TULP4: variants seen among roughly 807,000 people sequenced by gnomAD.
The protein encoded by TULP4 is tubby-related protein 4.
TULP4 carries 16 observed loss-of-function variants against 129.0 expected under a neutral mutation model. That is an observed-to-expected ratio of 0.12 (90% confidence interval 0.08 to 0.19). TULP4 has a LOEUF of 0.19. TULP4 is among the 10% of genes least tolerant of loss of function. TULP4 has a pLI of 1.00. For synonymous variants in TULP4, 998 were observed against 854.0 expected, an observed-to-expected ratio of 1.17 and a Z score of -2.94; for missense variants, 1,842 against 2,059.1, an observed-to-expected ratio of 0.89 and a Z score of 2.04.
chr6:158,481,626 T>C (rs1779947797), intron 8 of TULP4: 6 of 331,592 alleles, frequency 1.8e-5, no homozygotes, highest in Non-Finnish European at 3.4e-5. Flanking sequence ...TCATGTAATA[T>C]TGAGACAACT....
At chr6:158,480,333 G>A (rs905111759) in intron 7 of TULP4, among the ~76,000 whole-genome samples, 1 of 152,214 alleles carries the variant, frequency 6.6e-6, no homozygotes, top group African/African-American at 2.4e-5. Context: ...CCTGACAGAT[G>A]CCATTATTCG....
At chr6:158,418,552 G>A (rs1475967124) in intron 2 of TULP4, among the ~76,000 whole-genome samples, 1 of 152,114 alleles carries the variant, frequency 6.6e-6, no homozygotes, top group Non-Finnish European at 1.5e-5. Flanking sequence ...AGGATCTCTT[G>A]TGACCAGAGT....
chr6:158,385,699 G>A (rs989587312), intron 1 of TULP4, among the ~76,000 whole-genome samples: 2 of 144,704 alleles, frequency 1.4e-5, no homozygotes, highest in South Asian at 2.2e-4. Context: ...ATTTATTACA[G>A]TGTGTGGTAT....
chr6:158,476,016 G>A (rs1437681473), intron 6 of TULP4, among the ~76,000 whole-genome samples: 1 of 152,170 alleles, frequency 6.6e-6, no homozygotes, highest in Non-Finnish European at 1.5e-5. Flanking sequence ...AGTCATCACA[G>A]TCATTCATTT....
chr6:158,360,300 C>A (rs1019748148), intron 1 of TULP4, among the ~76,000 whole-genome samples: 6 of 152,072 alleles, frequency 3.9e-5, no homozygotes, highest in African/African-American at 1.2e-4. Context: ...TGGTATCTGT[C>A]CATCATGGAG....
intron 1 of TULP4, among the ~76,000 whole-genome samples, chr6:158,376,523 C>G (rs1200999004): frequency 6.6e-6 from 1 of 152,188 alleles, no homozygotes; most frequent in Non-Finnish European, 1.5e-5. Context: ...AACATCTCCT[C>G]CATTGTAGTC....
chr6:158,461,070 A>AT (rs1779411334), intron 5 of TULP4, among the ~76,000 whole-genome samples: 1 of 152,244 alleles, frequency 6.6e-6, no homozygotes, highest in Non-Finnish European at 1.5e-5. Context: ...CCTGTTTTTA[A>AT]TAGAATCCAT....
chr6:158,421,223 G>A (rs1019261271), intron 2 of TULP4, among the ~76,000 whole-genome samples: 4 of 152,120 alleles, frequency 2.6e-5, no homozygotes, highest in African/African-American at 4.8e-5. Context: ...TTAGCCAGGC[G>A]TGGTGGCACG....
chr6:158,379,168 T>TA (rs1204950667), intron 1 of TULP4, among the ~76,000 whole-genome samples: 2 of 152,160 alleles, frequency 1.3e-5, no homozygotes, highest in Non-Finnish European at 2.9e-5. Context: ...TGACAGGACT[T>TA]ACCAGTGAAT....
Position 158,391,183 on chromosome 6 carries a change from G to A in TULP4, c.253-21882G>A, listed in dbSNP as rs576698973. 5.1e-4 allele frequency among the ~76,000 whole-genome samples: 77 copies of A among 152,338 alleles called. 1 individual carries two copies. Among genetic ancestry groups the A allele is most frequent in the Admixed American group, 2.2e-3 (34 of 15,308 alleles). The stretch of plus-strand genomic sequence containing the variant: ...CATAAGGATTTCTTTCTTATACAGT[G>A]TAGTGTTTGGGGGGCAGGTAAGGGA... On this transcript the variant is annotated intron_variant, in intron 1 of 13. Transcript: ENST00000367097.
At chr6:158,386,959 C>T (rs1394452989) in intron 1 of TULP4, among the ~76,000 whole-genome samples, 2 of 151,496 alleles carry the variant, frequency 1.3e-5, no homozygotes, top group Non-Finnish European at 2.9e-5. Flanking sequence ...TCTGTCAAAG[C>T]GATTGACAGA....
At chr6:158,421,564 T>C (rs1235906992) in intron 2 of TULP4, among the ~76,000 whole-genome samples, 6 of 152,200 alleles carry the variant, frequency 3.9e-5, no homozygotes, top group Non-Finnish European at 7.3e-5. Flanking sequence ...TGCAGTCTTA[T>C]AGTGGCTGTC....
intron 1 of TULP4, among the ~76,000 whole-genome samples, chr6:158,250,150 T>C (rs866514833): frequency 2.6e-5 from 4 of 151,696 alleles, no homozygotes; most frequent in South Asian, 4.2e-4. Context: ...TGCATTTCTT[T>C]TCTTTTCTTT....
chr6:158,501,653 G>A, intron 12 of TULP4, 25 bp from the exon 13 acceptor site: 1 of 1,596,186 alleles, frequency 6.3e-7, no homozygotes, highest in Non-Finnish European at 8.6e-7. Flanking sequence ...TTTGTAAGCA[G>A]TTCCTTTTTC....
At chr6:158,329,864 G>A (rs551884528) in intron 1 of TULP4, among the ~76,000 whole-genome samples, 1 of 152,096 alleles carries the variant, frequency 6.6e-6, no homozygotes, top group East Asian at 1.9e-4. Context: ...GGGGAGTCAG[G>A]CTCTGTAATG....
chr6:158,502,374 G>A lies in TULP4; in HGVS notation c.2711G>A (p.Arg904His). Residue 904 changes from arginine (R) to histidine (H), a missense_variant, in exon 13 of 14, where the codon CGC becomes CAC. Around this residue, in one of 5 missense-constraint regions of TULP4, gnomAD observed 1,089 missense variants for 987.1 expected, o/e 1.10. Coordinates refer to ENST00000367097, the MANE Select transcript of TULP4 (RefSeq NM_020245.5). ...AACGTGGAGGAGGTGTGCCGGCCCC[G>A]CACCCGGATGCTGTGCTCCCAGAAC... ...SGNVEEVCRPRTRMLCSQNTY... is the reference protein window; with the variant it reads ...SGNVEEVCRPHTRMLCSQNTY... 1 of 1,613,638 alleles carries A rather than the reference G, an allele frequency of 6.2e-7. No individual in the cohort carries two copies. Among genetic ancestry groups the A allele is most frequent in the Non-Finnish European group, 8.5e-7 (1 of 1,179,902 alleles).
chr6:158,375,315 AG>A (rs1219793439), intron 1 of TULP4, among the ~76,000 whole-genome samples: 1 of 152,206 alleles, frequency 6.6e-6, no homozygotes, highest in African/African-American at 2.4e-5. Flanking sequence ...TTGGCAATTC[AG>A]CGTGTTCCTT....
chr6:158,242,007 A>G (rs1777928283), intron 1 of TULP4: 12 of 836,594 alleles, frequency 1.4e-5, no homozygotes, highest in South Asian at 2.6e-5. Flanking sequence ...GGTCCTTGTT[A>G]ATGGTAATGA....
intron 1 of TULP4, among the ~76,000 whole-genome samples, chr6:158,349,970 T>C (rs1193443333): frequency 8.0e-6 from 1 of 125,642 alleles, no homozygotes; most frequent in Non-Finnish European, 1.6e-5. Flanking sequence ...ACTCCTCACC[T>C]CCCAAACGGG....
Sources: gnomAD v4.1 joint callset for allele counts (sites outside exome capture counted in the v4.1 genomes callset) on GRCh38, gnomAD v4.1.1 for gene constraint, gnomAD v4.1.1 regional missense constraint, MANE v1.5 for transcripts, NCBI Gene and HGNC (gene_info 2026-07-23, HGNC 2026-07-21) for gene names.